The following IKZF3 variants were observed in gnomAD, a reference collection of about 807,000 sequenced individuals.
The protein encoded by IKZF3 is zinc finger protein Aiolos.
Under a neutral mutation model 49.0 loss-of-function variants are expected in IKZF3, and 10 were observed. The observed-to-expected ratio is 0.20, with a 90% CI of 0.13 to 0.35. IKZF3 has a LOEUF of 0.35. IKZF3 is among the 10% of genes least tolerant of loss of function. IKZF3 has a pLI of 1.00. For synonymous variants in IKZF3, 209 were observed against 228.2 expected (o/e 0.92, Z 0.76); for missense variants, 498 against 664.8 (o/e 0.75, Z 2.76).
rs2060165872 is a variant in IKZF3, at chr17:39,760,809, C to G, written c.*4981G>C. The stretch of plus-strand genomic sequence containing the variant: ...GAGATTTGATAGTAACACAGTGTTT[C>G]ACCTGAGCAAAATTTTGTGTTTTTA... On this transcript the variant is annotated 3_prime_UTR_variant, in exon 8 of 8. Coordinates refer to ENST00000346872, the MANE Select transcript of IKZF3 (RefSeq NM_012481.5). 6.6e-6 allele frequency: 1 copy of G among 152,234 alleles called. No individual in the cohort carries two copies. The highest frequency in any genetic ancestry group is 1.5e-5 in the Non-Finnish European group (1 of 68,038). The allele number at this position is 152,234 out of a possible 1,614,324, so 9.4% of individuals were successfully genotyped here.
At chr17:39,830,079 T>C (rs1384526191) in intron 2 of IKZF3, among the ~76,000 whole-genome samples, 1 of 152,236 alleles carries the variant, frequency 6.6e-6, no homozygotes, top group Non-Finnish European at 1.5e-5. Context: ...AAAAACTATC[T>C]CTCCATTGGT....
At position 39,765,679 on chromosome 17, in the gene IKZF3, T is replaced by G; in HGVS notation, c.*111A>C. 1 of 768,114 alleles carries G rather than the reference T, an allele frequency of 1.3e-6. No individual in the cohort carries two copies. The allele number at this position is 768,114 out of a possible 1,614,324, so 47.6% of individuals were successfully genotyped here. On this transcript the variant is annotated 3_prime_UTR_variant, in exon 8 of 8. Coordinates refer to ENST00000346872, the MANE Select transcript of IKZF3 (RefSeq NM_012481.5). ...CCCCTGTGAACACAGCTAAAAATGG[T>G]ATGAAAAGAAGTTTGGAACTGAGTA...
chr17:39,770,040 A>C (rs773721780), intron 7 of IKZF3, among the ~76,000 whole-genome samples: 1 of 152,228 alleles, frequency 6.6e-6, no homozygotes, highest in Non-Finnish European at 1.5e-5. Flanking sequence ...TGCAACTTGC[A>C]ATCATCAGAT....
intron 1 of IKZF3, among the ~76,000 whole-genome samples, chr17:39,850,093 T>G (rs1422743249): frequency 1.0e-5 from 1 of 96,084 alleles, no homozygotes; most frequent in Non-Finnish European, 2.8e-5. Flanking sequence ...ATATACTATA[T>G]AGCATATTAT....
intron 3 of IKZF3, among the ~76,000 whole-genome samples, chr17:39,805,141 G>A (rs187923926): frequency 1.1e-4 from 17 of 152,274 alleles, no homozygotes; most frequent in Admixed American, 5.9e-4. Flanking sequence ...GTCAACGTCT[G>A]TATATTATGC....
intron 1 of IKZF3, among the ~76,000 whole-genome samples, chr17:39,840,788 T>C (rs927156513): frequency 6.6e-6 from 1 of 152,164 alleles, no homozygotes; most frequent in Non-Finnish European, 1.5e-5. Flanking sequence ...GAGAAAAATG[T>C]CCATGCAATG....
intron 1 of IKZF3, among the ~76,000 whole-genome samples, chr17:39,858,472 G>A (rs905106734): frequency 6.6e-6 from 1 of 152,050 alleles, no homozygotes; most frequent in Non-Finnish European, 1.5e-5. Context: ...AAAGAGTAAT[G>A]CACTTTGTTT....
chr17:39,832,196 T>G (rs1380782447), intron 1 of IKZF3, 45 bp from the exon 2 acceptor site: 2 of 1,449,904 alleles, frequency 1.4e-6, no homozygotes, highest in Middle Eastern at 1.7e-4. Context: ...AGGGTACATT[T>G]CTACAGGTTT....
At chr17:39,777,825 A>G (rs1391136990) in intron 6 of IKZF3, 58 bp from the exon 7 acceptor site, 2 of 1,586,138 alleles carry the variant, frequency 1.3e-6, no homozygotes, top group African/African-American at 2.7e-5. Context: ...CATGGGGAGA[A>G]AAGGAAATAA....
intron 6 of IKZF3, among the ~76,000 whole-genome samples, chr17:39,783,599 C>T (rs1209535317): frequency 6.6e-6 from 1 of 152,210 alleles, no homozygotes; most frequent in East Asian, 1.9e-4. Context: ...GGATTACAGG[C>T]GTGAGCCACC....
At chr17:39,783,569 C>G (rs2060798458) in intron 6 of IKZF3, among the ~76,000 whole-genome samples, 1 of 152,214 alleles carries the variant, frequency 6.6e-6, no homozygotes, top group Non-Finnish European at 1.5e-5. Context: ...ATCCGCCCAC[C>G]TCAGCATCCT....
At position 39,765,476 on chromosome 17, in the gene IKZF3, T is replaced by A. The variant is rs1305880188; in HGVS notation, c.*314A>T. 4.3e-6 allele frequency: 1 copy of A among 235,180 alleles called. No homozygotes were observed. The highest frequency in any genetic ancestry group is 2.3e-5 in the African/African-American group (1 of 44,372). The allele number at this position is 235,180 out of a possible 1,614,324, so 14.6% of individuals were successfully genotyped here. A position where few individuals can be genotyped will look rare whatever the true frequency, so the allele number is the denominator to read the frequency against. On this transcript the variant is annotated 3_prime_UTR_variant, in exon 8 of 8. Transcript: ENST00000346872. ...GATATATCTCAGAAAGAATGTTTCA[T>A]ATAGCACATCTCCGGGACCACTCAT...
At chr17:39,834,934 G>A (rs2062222825) in intron 1 of IKZF3, 1 of 366,466 alleles carries the variant, frequency 2.7e-6, no homozygotes. Flanking sequence ...CATGGGAGGG[G>A]GTAGGCTGGG....
intron 3 of IKZF3, among the ~76,000 whole-genome samples, chr17:39,810,199 T>C (rs924909309): frequency 2.6e-5 from 4 of 152,218 alleles, no homozygotes; most frequent in Admixed American, 1.3e-4. Context: ...CTTCATATAA[T>C]AGTGGTTGGC....
At chr17:39,859,974 G>C in intron 1 of IKZF3, among the ~76,000 whole-genome samples, 1 of 152,154 alleles carries the variant, frequency 6.6e-6, no homozygotes, top group Non-Finnish European at 1.5e-5. Flanking sequence ...GCTCACTCCT[G>C]TAATCCCAGC....
Position 39,792,295 on chromosome 17 carries a change from T to G in IKZF3, c.424+378A>C, listed in dbSNP as rs550682254. Among the ~76,000 whole-genome samples the G allele has an allele frequency of 3.9e-5, 6 of 152,306 alleles. No homozygotes were observed. The East Asian group carries it at 7.7e-4, about 20-fold the overall frequency. On this transcript the variant is annotated intron_variant, in intron 4 of 7. Coordinates refer to ENST00000346872, the MANE Select transcript of IKZF3 (RefSeq NM_012481.5). Reference sequence around the variant, plus strand: ...GGAAATAAAAACTATGTCCTTTCATTTACCAAATTTGAACCCAATACAATA... The same window carrying G: ...GGAAATAAAAACTATGTCCTTTCATGTACCAAATTTGAACCCAATACAATA...
intron 3 of IKZF3, among the ~76,000 whole-genome samples, chr17:39,794,358 T>C (rs543390461): frequency 2.2e-4 from 33 of 152,336 alleles, no homozygotes; most frequent in Non-Finnish European, 3.5e-4. Flanking sequence ...AAAAAAGATA[T>C]TTTAAAAAAC....
chr17:39,785,894 T>C (rs1307997384), intron 6 of IKZF3, among the ~76,000 whole-genome samples: 1 of 152,224 alleles, frequency 6.6e-6, no homozygotes, highest in African/African-American at 2.4e-5. Flanking sequence ...GAAGTCCTGA[T>C]AAATGCTTCA....
chr17:39,820,980 C>T (rs2061796303), intron 3 of IKZF3, among the ~76,000 whole-genome samples: 3 of 152,164 alleles, frequency 2.0e-5, no homozygotes, highest in Admixed American at 1.3e-4. Context: ...CTTCCTTGCT[C>T]TATGCCTCCC....
Sources: gnomAD v4.1 joint callset for allele counts (sites outside exome capture counted in the v4.1 genomes callset) on GRCh38, gnomAD v4.1.1 for gene constraint, MANE v1.5 for transcripts, NCBI Gene and HGNC (gene_info 2026-07-23, HGNC 2026-07-21) for gene names.